Variants in TP63 observed in about 807,000 individuals in gnomAD.
TP63 encodes the protein tumor protein 63.
TP63 carries 17 observed loss-of-function variants against 82.8 expected under a neutral mutation model. The observed-to-expected ratio is 0.21, with a 90% confidence interval of 0.14 to 0.31. TP63 has a LOEUF of 0.31. Ranked by LOEUF, TP63 falls within the 10% of genes least tolerant of loss-of-function variation. The pLI, the probability that TP63 is intolerant of heterozygous loss-of-function variation, is 1.00. For missense variants in TP63, 648 were observed against 895.3 expected, an observed-to-expected ratio of 0.72 and a Z score of 3.52; for synonymous variants, 330 against 321.7, an observed-to-expected ratio of 1.03 and a Z score of -0.28.
At chr3:189,598,995 A>C in the TP63 span, among the ~76,000 whole-genome samples, 1 of 152,234 alleles carries the variant, frequency 6.6e-6, no homozygotes, top group South Asian at 2.1e-4. Context: ...CCTTGCCCAC[A>C]GCAAAGCAGA....
chr3:189,600,510 G>A, the TP63 span, among the ~76,000 whole-genome samples: 1 of 152,154 alleles, frequency 6.6e-6, no homozygotes, highest in African/African-American at 2.4e-5. Context: ...AAGCACTAAG[G>A]TTTAGGTAAT....
chr3:189,876,168 A>G (rs1719195152), intron 10 of TP63, among the ~76,000 whole-genome samples: 1 of 152,230 alleles, frequency 6.6e-6, no homozygotes, highest in Non-Finnish European at 1.5e-5. Flanking sequence ...CATGGATCAT[A>G]TGAGAAAAAG....
chr3:189,835,233 C>T (rs1712960863), intron 4 of TP63, among the ~76,000 whole-genome samples: 1 of 151,998 alleles, frequency 6.6e-6, no homozygotes, highest in Non-Finnish European at 1.5e-5. Flanking sequence ...TCTAGAAGGA[C>T]ATAGATGAAT....
upstream of TP63, among the ~76,000 whole-genome samples, chr3:189,627,783 G>T (rs1729352293): frequency 6.6e-6 from 1 of 152,052 alleles, no homozygotes. Flanking sequence ...GGGGTAATAG[G>T]GTTGTTGGAA....
At chr3:189,856,742 A>G (rs1462315687) in intron 4 of TP63, among the ~76,000 whole-genome samples, 1 of 152,104 alleles carries the variant, frequency 6.6e-6, no homozygotes, top group Non-Finnish European at 1.5e-5. Flanking sequence ...TAGAAACAAA[A>G]AGAAATTTTC....
intron 4 of TP63, among the ~76,000 whole-genome samples, chr3:189,851,154 A>G (rs563548516): frequency 1.4e-4 from 21 of 152,362 alleles, no homozygotes; most frequent in Non-Finnish European, 2.8e-4. Flanking sequence ...GATGTGAACT[A>G]TAATTTTTTC....
intron 1 of TP63, among the ~76,000 whole-genome samples, chr3:189,636,456 A>G (rs1016122139): frequency 6.6e-6 from 1 of 152,114 alleles, no homozygotes; most frequent in Non-Finnish European, 1.5e-5. Context: ...ACTCTGAAAT[A>G]CACCCCTTTA....
chr3:189,767,483 C>T (rs1049476343), intron 3 of TP63, among the ~76,000 whole-genome samples: 2 of 152,180 alleles, frequency 1.3e-5, no homozygotes, highest in Non-Finnish European at 2.9e-5. Flanking sequence ...TTCGCTTTCT[C>T]TGGCTAAAAT....
intron 1 of TP63, among the ~76,000 whole-genome samples, chr3:189,714,134 C>T (rs1201851284): frequency 2.6e-5 from 4 of 152,018 alleles, no homozygotes; most frequent in Admixed American, 6.6e-5. Context: ...AAAGACACCC[C>T]GTAAGTGGAA....
intron 4 of TP63, among the ~76,000 whole-genome samples, chr3:189,849,135 C>A (rs1220785228): frequency 2.0e-5 from 3 of 152,160 alleles, no homozygotes; most frequent in African/African-American, 7.2e-5. Context: ...GGTTGAAGCC[C>A]AGGGAGGGCA....
chr3:189,874,686 C>A (rs1171278665), intron 10 of TP63, among the ~76,000 whole-genome samples: 1 of 152,138 alleles, frequency 6.6e-6, no homozygotes, highest in Non-Finnish European at 1.5e-5. Context: ...CATTGCTAAT[C>A]ATATGGATGT....
At chr3:189,786,341 C>T (rs1724598257) in intron 3 of TP63, among the ~76,000 whole-genome samples, 1 of 151,396 alleles carries the variant, frequency 6.6e-6, no homozygotes, top group East Asian at 1.9e-4. Flanking sequence ...CACAGTAAGT[C>T]ATAAAACAAA....
Position 189,869,384 on chromosome 3 carries a change from A to T in TP63, c.1190A>T (p.Asp397Val), listed in dbSNP as rs1577150297. 1 of 1,614,074 alleles carries T rather than the reference A, an allele frequency of 6.2e-7. No individual in the cohort carries two copies. The highest frequency in any genetic ancestry group is 2.2e-5 in the East Asian group (1 of 44,864). ...MTSIKKRRSP[D>V]DELLYLPVRG... is the part of the protein sequence containing the mutation. ...TCCATCAAGAAACGAAGATCCCCAG[A>T]TGATGAACTGTTATACTTACCAGTA... The change falls in exon 9 of 14, where the codon GAT (aspartate) becomes GTT (valine). Residue 397 changes from aspartate to valine, a missense_variant. Transcript: ENST00000264731.
intron 4 of TP63, among the ~76,000 whole-genome samples, chr3:189,860,103 A>G (rs73199771): frequency 6.6e-6 from 1 of 152,088 alleles, no homozygotes; most frequent in Non-Finnish European, 1.5e-5. Context: ...AAAAACTGGT[A>G]TACTTTGCGG....
chr3:189,776,513 G>A (rs1162959575), intron 3 of TP63, among the ~76,000 whole-genome samples: 2 of 152,164 alleles, frequency 1.3e-5, no homozygotes, highest in Non-Finnish European at 2.9e-5. Flanking sequence ...CAGAAGAGTA[G>A]CAATGAAGAA....
At chr3:189,748,492 T>C (rs1326984243) in intron 3 of TP63, among the ~76,000 whole-genome samples, 4 of 56,106 alleles carry the variant, frequency 7.1e-5, no homozygotes, top group African/African-American at 2.9e-4. Flanking sequence ...GCAAAATATC[T>C]CTACAAGGAA....
At chr3:189,667,025 GAA>G (rs35573853) in intron 1 of TP63, among the ~76,000 whole-genome samples, 9 of 116,062 alleles carry the variant, frequency 7.8e-5, no homozygotes, top group Admixed American at 4.4e-4. Context: ...TACAGTTTTT[GAA>G]AAAAAAAAAA....
In TP63 at chr3:189,894,472, G is replaced by C. The variant is rs564216332; in HGVS notation, c.2013G>C (p.Lys671Asn). Residue 671 changes from lysine (K) to asparagine (N), a missense_variant, in exon 14 of 14, where the codon AAG (lysine) becomes AAC (asparagine). This residue lies in a region of TP63 where 342 missense variants were observed against 425.7 expected (regional missense o/e 0.80). Transcript: ENST00000264731. ...FNFDMDARRN[K>N]QQRIKEEGE The stretch of plus-strand genomic sequence containing the variant: ...TTGACATGGATGCTCGCCGCAATAA[G>C]CAACAGCGCATCAAAGAGGAGGGGG... 1 of 1,613,888 alleles carries C rather than the reference G, an allele frequency of 6.2e-7. No homozygotes were observed. The highest frequency in any genetic ancestry group is 1.3e-5 in the African/African-American group (1 of 75,022).
chr3:189,788,210 G>C (rs929268577), intron 3 of TP63, among the ~76,000 whole-genome samples: 2 of 151,820 alleles, frequency 1.3e-5, no homozygotes, highest in African/African-American at 4.8e-5. Flanking sequence ...TAGTGTTACA[G>C]AGTACTGTCA....
Sources: gnomAD v4.1 joint callset for allele counts (sites outside exome capture counted in the v4.1 genomes callset) on GRCh38, gnomAD v4.1.1 for gene constraint, gnomAD v4.1.1 regional missense constraint, MANE v1.5 for transcripts, NCBI Gene and HGNC (gene_info 2026-07-23, HGNC 2026-07-21) for gene names.